Variants in NEK10 observed in about 807,000 individuals in gnomAD.
NEK10 encodes serine/threonine-protein kinase Nek10.
Under a neutral mutation model 159.8 loss-of-function variants are expected in NEK10, and 122 were observed. The ratio of observed to expected loss-of-function variants is 0.76; its 90% CI spans 0.66 to 0.89. The LOEUF (loss-of-function observed/expected upper bound fraction) is 0.89. NEK10 is among the 40% of genes least tolerant of loss of function. The pLI is 0.00. For missense variants in NEK10, 1,342 were observed against 1,323.1 expected, an observed-to-expected ratio of 1.01 and a Z score of -0.22; for synonymous variants, 466 against 457.1, an observed-to-expected ratio of 1.02 and a Z score of -0.25.
At chr3:27,361,062 C>T (rs969747858) in intron 1 of NEK10, among the ~76,000 whole-genome samples, 2 of 152,156 alleles carry the variant, frequency 1.3e-5, no homozygotes, top group African/African-American at 4.8e-5. Flanking sequence ...TTTCATTTTC[C>T]TCTGGCTAAT....
At chr3:27,209,322 T>G (rs1477153926) in intron 23 of NEK10, among the ~76,000 whole-genome samples, 4 of 152,214 alleles carry the variant, frequency 2.6e-5, no homozygotes, top group Non-Finnish European at 5.9e-5. Context: ...TCATCTTTAT[T>G]CTAGAAAGGC....
chr3:27,283,103 C>T (rs1057052129), intron 22 of NEK10, among the ~76,000 whole-genome samples: 1 of 151,974 alleles, frequency 6.6e-6, no homozygotes, highest in African/African-American at 2.4e-5. Flanking sequence ...TGATGTTCTA[C>T]TTACGAAAAT....
At chr3:27,185,294 G>C (rs938891875) in intron 26 of NEK10, among the ~76,000 whole-genome samples, 1 of 152,160 alleles carries the variant, frequency 6.6e-6, no homozygotes, top group African/African-American at 2.4e-5. Context: ...AAAGCTTAGA[G>C]AAAATTTTTA....
chr3:27,280,722 C>A (rs910202306), intron 22 of NEK10, among the ~76,000 whole-genome samples: 1 of 152,176 alleles, frequency 6.6e-6, no homozygotes, highest in African/African-American at 2.4e-5. Context: ...ACTCGCAGTG[C>A]TTCTGACAGC....
chr3:27,130,294 C>A (rs571005675), intron 32 of NEK10, among the ~76,000 whole-genome samples: 75 of 152,244 alleles, frequency 4.9e-4, no homozygotes, highest in African/African-American at 1.8e-3. Context: ...CCATGCTTCC[C>A]AAACATCTCC....
chr3:27,242,737 G>A (rs999643863), intron 23 of NEK10, among the ~76,000 whole-genome samples: 1 of 152,202 alleles, frequency 6.6e-6, no homozygotes, highest in Admixed American at 6.5e-5. Context: ...GAAGAATTAA[G>A]GTGAGGAGGA....
At chr3:27,132,022 C>T (rs772316619) in intron 31 of NEK10, 32 bp from the exon 32 acceptor site, 1 of 1,311,154 alleles carries the variant, frequency 7.6e-7, no homozygotes, top group African/African-American at 1.5e-5. Context: ...TCATTATAAA[C>T]AAATTGTTAA....
intron 22 of NEK10, among the ~76,000 whole-genome samples, chr3:27,280,466 G>C (rs1418146805): frequency 6.6e-6 from 1 of 152,062 alleles, no homozygotes; most frequent in Non-Finnish European, 1.5e-5. Flanking sequence ...ATTTTTCAAA[G>C]AAATAAACCA....
At position 27,185,481 on chromosome 3, in the gene NEK10, G is replaced by A. The variant is rs1948528452; in HGVS notation, c.2505+6548C>T. On this transcript the variant is annotated intron_variant, in intron 26 of 35. Transcript: ENST00000691995. Reference sequence around the variant, plus strand: ...TCAGGTGGCAGGTCTCCAAAGTGGAGCTGAGGCATCTCTGAGATGAGGAAG... The same window carrying A: ...TCAGGTGGCAGGTCTCCAAAGTGGAACTGAGGCATCTCTGAGATGAGGAAG... Among the ~76,000 whole-genome samples the A allele has an allele frequency of 2.6e-5, 4 of 152,166 alleles. No individual in the cohort carries two copies. The South Asian group carries it at 8.3e-4, about 31-fold the overall frequency.
intron 2 of NEK10, 23 bp from the exon 3 acceptor site, chr3:27,352,548 G>A (rs756961125): frequency 1.9e-6 from 3 of 1,565,864 alleles, no homozygotes; most frequent in Admixed American, 3.3e-5. Context: ...ATAACACAAT[G>A]TGAACCCACA....
Position 27,310,948 on chromosome 3 carries a change from C to T in NEK10, c.636+1G>A, listed in dbSNP as rs1242150233. 1.9e-6 allele frequency: 3 copies of T among 1,598,068 alleles called. No homozygotes were observed. The highest frequency in any genetic ancestry group is 2.6e-6 in the Non-Finnish European group (3 of 1,165,820). ...CATTAACTCTTTCAGGGGCCACTCA[C>T]CTTGTGGGCTCCACTTGTGGTGACC... On this transcript the variant is annotated splice_donor_variant, in intron 9 of 35. Coordinates refer to ENST00000691995, the MANE Select transcript of NEK10 (RefSeq NM_001394966.1). LOFTEE classifies it high-confidence loss of function.
At chr3:27,321,927 T>C (rs946363646) in intron 6 of NEK10, among the ~76,000 whole-genome samples, 2 of 152,196 alleles carry the variant, frequency 1.3e-5, no homozygotes, top group Non-Finnish European at 2.9e-5. Context: ...AAAGAAAACA[T>C]AGACCAAAAA....
intron 33 of NEK10, among the ~76,000 whole-genome samples, chr3:27,117,881 A>G (rs1406063285): frequency 6.6e-6 from 1 of 152,112 alleles, no homozygotes; most frequent in Non-Finnish European, 1.5e-5. Flanking sequence ...TTTCGTCATG[A>G]AATCTTTGCC....
chr3:27,314,688 C>T (rs2149612582), intron 6 of NEK10, among the ~76,000 whole-genome samples: 1 of 152,240 alleles, frequency 6.6e-6, no homozygotes, highest in Non-Finnish European at 1.5e-5. Flanking sequence ...TGAGGAAAAC[C>T]AAGACACAGA....
intron 35 of NEK10, among the ~76,000 whole-genome samples, chr3:27,112,579 A>G (rs1939732311): frequency 6.6e-6 from 1 of 152,210 alleles, no homozygotes; most frequent in Non-Finnish European, 1.5e-5. Flanking sequence ...CCACATAGCT[A>G]AAACAGCTTT....
chr3:27,261,783 A>G (rs1048382382), intron 22 of NEK10, among the ~76,000 whole-genome samples: 6 of 151,984 alleles, frequency 3.9e-5, no homozygotes, highest in Non-Finnish European at 7.4e-5. Flanking sequence ...ATCCTTGTTA[A>G]CTTTCTGTCT....
chr3:27,345,949 T>A (rs2047517939), intron 4 of NEK10, 137 bp downstream of exon 4: 1 of 766,364 alleles, frequency 1.3e-6, no homozygotes, highest in African/African-American at 2.1e-5. Context: ...AAGCACTAAC[T>A]GAAAATATTA....
At chr3:27,147,550 C>T (rs1207324036) in intron 30 of NEK10, among the ~76,000 whole-genome samples, 9 of 152,206 alleles carry the variant, frequency 5.9e-5, no homozygotes. Flanking sequence ...CAGGAATAAG[C>T]TGTTTAAAGG....
intron 22 of NEK10, among the ~76,000 whole-genome samples, chr3:27,256,984 C>T (rs781575316): frequency 8.3e-5 from 12 of 144,454 alleles, no homozygotes; most frequent in South Asian, 2.2e-4. Flanking sequence ...GGTGCGATCT[C>T]GGCTCACTGA....
Sources: allele counts gnomAD v4.1 joint callset (sites outside exome capture counted in the v4.1 genomes callset), GRCh38; gene constraint gnomAD v4.1.1; transcripts MANE v1.5; gene names NCBI Gene and HGNC (gene_info 2026-07-23, HGNC 2026-07-21).